The following PHYKPL variants were observed in gnomAD, a reference collection of about 807,000 sequenced individuals.
PHYKPL encodes 5-phosphohydroxy-L-lysine phospho-lyase.
Under a neutral mutation model 51.3 loss-of-function variants are expected in PHYKPL, and 42 were observed. The observed-to-expected ratio is 0.82, with a 90% confidence interval of 0.64 to 1.06. The LOEUF is 1.06. Among genes scored for constraint, PHYKPL ranks in the 50% least tolerant of loss-of-function variants. PHYKPL has a pLI of 0.00. For missense variants in PHYKPL, 655 were observed against 586.6 expected, an observed-to-expected ratio of 1.12 and a Z score of -1.20; for synonymous variants, 264 against 236.0, an observed-to-expected ratio of 1.12 and a Z score of -1.09.
intron 10 of PHYKPL, among the ~76,000 whole-genome samples, chr5:178,214,026 G>A (rs954662367): frequency 6.6e-6 from 1 of 152,178 alleles, no homozygotes; most frequent in Non-Finnish European, 1.5e-5. Flanking sequence ...CTGGGAGGGG[G>A]GTAGGAGTAA....
chr5:178,221,518 G>A (rs973089386), intron 8 of PHYKPL, among the ~76,000 whole-genome samples: 13 of 152,184 alleles, frequency 8.5e-5, no homozygotes, highest in Admixed American at 2.6e-4. Flanking sequence ...CATGGACAGA[G>A]TGATGGTTTT....
At chr5:178,208,187 C>T (rs1237767056), downstream of PHYKPL, among the ~76,000 whole-genome samples, 1 of 152,154 alleles carries the variant, frequency 6.6e-6, no homozygotes, top group African/African-American at 2.4e-5. Context: ...AGGGTGCGGC[C>T]TGCAGTGGCA....
At chr5:178,227,955 T>A (rs1472017871) in intron 3 of PHYKPL, among the ~76,000 whole-genome samples, 1 of 152,098 alleles carries the variant, frequency 6.6e-6, no homozygotes, top group African/African-American at 2.4e-5. Context: ...TGATGCCCTT[T>A]ACAAGGCAAG....
chr5:178,229,000 C>T (rs559346035), intron 3 of PHYKPL, among the ~76,000 whole-genome samples: 3 of 152,190 alleles, frequency 2.0e-5, no homozygotes, highest in African/African-American at 4.8e-5. Context: ...GGACTTCTTT[C>T]GGTTCCTCAA....
chr5:178,212,061 T>TA, intron 11 of PHYKPL, 91 bp from the exon 12 acceptor site: 1 of 1,410,248 alleles, frequency 7.1e-7, no homozygotes, highest in Non-Finnish European at 1.0e-6. Flanking sequence ...GAGGACAGTT[T>TA]AGAGATTGGG....
chr5:178,214,920 G>A (rs371759235), intron 9 of PHYKPL, 35 bp from the exon 10 acceptor site: 2 of 1,593,674 alleles, frequency 1.3e-6, no homozygotes, highest in South Asian at 2.2e-5. Context: ...CAGGAGGCCA[G>A]GCCTGAGGGG....
At position 178,225,424 on chromosome 5, in the gene PHYKPL, T is replaced by A. The variant is rs1276058712; in HGVS notation, c.344A>T (p.Glu115Val). ...CVFYFLNSGS[E>V]ANDLALRLAR... ...CAGCCTCAGGGCCAGGTCATTGGCTTCTGACCTATGACCGAAAAGGTGGGC... is the reference window on the plus strand; with the variant it reads ...CAGCCTCAGGGCCAGGTCATTGGCTACTGACCTATGACCGAAAAGGTGGGC... The change falls in exon 4 of 13, where the codon GAA (glutamate) becomes GTA (valine). Residue 115 changes from glutamate (E) to valine (V), a missense_variant. Transcript: ENST00000308158. 4.3e-6 allele frequency: 7 copies of A among 1,614,098 alleles called. No homozygotes were observed. The highest frequency in any genetic ancestry group is 5.1e-6 in the Non-Finnish European group (6 of 1,180,034).
chr5:178,209,476 C>T, intron 12 of PHYKPL: 8 of 1,578,786 alleles, frequency 5.1e-6, no homozygotes, highest in African/African-American at 1.3e-5. Flanking sequence ...AAGATAGGTC[C>T]TGTTTCCCTG....
chr5:178,219,745 C>T (rs910946213), intron 8 of PHYKPL, among the ~76,000 whole-genome samples: 3 of 151,972 alleles, frequency 2.0e-5, no homozygotes, highest in South Asian at 2.1e-4. Flanking sequence ...CCACCGCACC[C>T]GACCACAAAT....
intron 12 of PHYKPL, chr5:178,210,324 G>A (rs1757836027): frequency 6.2e-7 from 1 of 1,612,194 alleles, no homozygotes; most frequent in African/African-American, 1.3e-5. Context: ...CCCCAGGGGA[G>A]GCAGGACAGT....
At chr5:178,210,535 GGTT>G (rs1289750865) in intron 12 of PHYKPL, 8 of 1,612,264 alleles carry the variant, frequency 5.0e-6, no homozygotes, top group East Asian at 2.2e-5. Context: ...TAGCTGCTAT[GGTT>G]GTTCTCGTCC....
At position 178,210,710 on chromosome 5, in the gene PHYKPL, A is replaced by G; in HGVS notation, c.*31+1180T>C. ...AATTATGTACCAAATTTAACTTGGC[A>G]AACTTTCTATTGCCTGTCCCATGTG... On this transcript the variant is annotated intron_variant, in intron 12 of 12. Coordinates refer to ENST00000308158, the MANE Select transcript of PHYKPL (RefSeq NM_153373.4). The G allele has an allele frequency of 2.9e-6, 3 of 1,042,368 alleles. No homozygotes were observed. In the East Asian group the frequency reaches 7.3e-5, roughly 25 times the overall value. The allele number at this position is 1,042,368 out of a possible 1,614,324, so 64.6% of individuals were successfully genotyped here. A position where few individuals can be genotyped will look rare whatever the true frequency, so the allele number is the denominator to read the frequency against.
Position 178,215,776 on chromosome 5 carries a change from A to G in PHYKPL, c.928-346T>C, listed in dbSNP as rs1759649634. The G allele has an allele frequency of 1.7e-5, 4 of 235,890 alleles. No individual in the cohort carries two copies. In the South Asian group the frequency reaches 2.8e-4, roughly 16 times the overall value. 14.6% of individuals were successfully genotyped at this position (235,890 alleles called of 1,614,324 possible). The stretch of plus-strand genomic sequence containing the variant: ...GGCCCCATCTCCTGGGCCCAGACCC[A>G]GAGGACTGGATTAGGCACTTCCTCC... On this transcript the variant is annotated intron_variant, in intron 8 of 12. Transcript: ENST00000308158.
chr5:178,212,239 T>G (rs1487536145), intron 11 of PHYKPL, among the ~76,000 whole-genome samples: 1 of 152,236 alleles, frequency 6.6e-6, no homozygotes, highest in Non-Finnish European at 1.5e-5. Flanking sequence ...CTATTCATCA[T>G]ATCCCTACCA....
Position 178,222,919 on chromosome 5 carries a change from CGAA to C in PHYKPL, c.631_633del (p.Phe211del). 6.2e-7 allele frequency: 1 copy of C among 1,614,080 alleles called. No homozygotes were observed. The highest frequency in any genetic ancestry group is 8.5e-7 in the Non-Finnish European group (1 of 1,179,986). On this transcript the variant is annotated inframe_deletion, in exon 7 of 13. Coordinates refer to ENST00000308158, the MANE Select transcript of PHYKPL (RefSeq NM_153373.4). ...CCTCCCACACTGGGCAGAGACTCAGCGAAGAAGGCTGCAATCTGTGAAGAGATG... is the reference window on the plus strand; with the variant it reads ...CCTCCCACACTGGGCAGAGACTCAGCGAAGGCTGCAATCTGTGAAGAGATG...
At chr5:178,210,739 C>A in intron 12 of PHYKPL, 1 of 785,434 alleles carries the variant, frequency 1.3e-6, no homozygotes, top group Non-Finnish European at 2.2e-6. Flanking sequence ...CCATGTGCAT[C>A]TTATTTAAAA....
chr5:178,210,297 A>G (rs1223501043), intron 12 of PHYKPL: 2 of 1,613,924 alleles, frequency 1.2e-6, no homozygotes, highest in Admixed American at 1.7e-5. Flanking sequence ...GGGAGGCCCC[A>G]TCCGCTCACC....
At chr5:178,209,581 AG>A in intron 12 of PHYKPL, 2 of 719,912 alleles carry the variant, frequency 2.8e-6, no homozygotes, top group Non-Finnish European at 4.8e-6. Context: ...GAACAGGAAT[AG>A]GAACGGCTCT....
intron 8 of PHYKPL, among the ~76,000 whole-genome samples, chr5:178,217,319 C>G (rs962138155): frequency 1.3e-5 from 2 of 151,186 alleles, no homozygotes; most frequent in Admixed American, 6.6e-5. Context: ...CTCCCAGGTT[C>G]AGGCGATTCT....
Sources: gnomAD v4.1 joint callset for allele counts (sites outside exome capture counted in the v4.1 genomes callset) on GRCh38, gnomAD v4.1.1 for gene constraint, MANE v1.5 for transcripts, NCBI Gene and HGNC (gene_info 2026-07-23, HGNC 2026-07-21) for gene names.